The following SYNE1 variants were observed in gnomAD, a reference collection of about 807,000 sequenced individuals.
SYNE1 encodes the protein nesprin-1.
A neutral mutation model predicts 1,111.0 loss-of-function variants in SYNE1; 616 were observed. The ratio of observed to expected loss-of-function variants is 0.55; its 90% CI spans 0.52 to 0.59. The LOEUF is 0.59. SYNE1 is among the 20% of genes least tolerant of loss of function. The pLI is 0.00. For missense variants in SYNE1, 10,006 were observed against 10,417.0 expected (o/e 0.96, Z 1.72); for synonymous variants, 3,855 against 3,825.8 (o/e 1.01, Z -0.28).
chr6:152,226,017 G>C (rs1041500447), intron 115 of SYNE1, 141 bp from the exon 116 acceptor site: 12 of 741,398 alleles, frequency 1.6e-5, no homozygotes, highest in Non-Finnish European at 2.4e-5. Context: ...GAGGCACGCT[G>C]CAGAAGTACT....
chr6:152,229,699 C>T (rs964265474), intron 115 of SYNE1, among the ~76,000 whole-genome samples: 5 of 152,076 alleles, frequency 3.3e-5, no homozygotes, highest in African/African-American at 9.7e-5. Context: ...CTGAACATGG[C>T]ACCCATCAAC....
rs1354384382 is a variant in SYNE1, at chr6:152,281,876, G to T, written c.18312C>A (p.Ala6104=). The change falls in exon 97 of 146, where the codon GCC becomes GCA. Residue 6104 remains alanine (A), a synonymous_variant. Transcript: ENST00000367255. ...ELDSWLLSTK[A]TLDTALSPPK... Reference sequence around the variant, plus strand: ...GTGGACTCAGCGCAGTGTCCAGAGTGGCCTTGGTACTCAAGAGCCAGCTGT... The same window carrying T: ...GTGGACTCAGCGCAGTGTCCAGAGTTGCCTTGGTACTCAAGAGCCAGCTGT... 1 of 1,614,064 alleles carries T rather than the reference G, an allele frequency of 6.2e-7. No individual in the cohort carries two copies. Among genetic ancestry groups the T allele is most frequent in the Non-Finnish European group, 8.5e-7 (1 of 1,180,032 alleles).
Position 152,317,216 on chromosome 6 carries a change from CTTTCTTT to C in SYNE1, c.16573-237_16573-231del, listed in dbSNP as rs546907443. Among the ~76,000 whole-genome samples the C allele has an allele frequency of 0.016, 2,323 of 149,486 alleles. 17 individuals are homozygous for C. The highest frequency in any genetic ancestry group is 0.024 in the South Asian group (113 of 4,734). ...ATATGATTGAATTATTCCTCTTTTTCTTTCTTTTTTCTTTTTTCTTTTTTTTTTTTTT... is the reference window on the plus strand; with the variant it reads ...ATATGATTGAATTATTCCTCTTTTTCTTTCTTTTTTCTTTTTTTTTTTTTT... On this transcript the variant is annotated intron_variant, in intron 86 of 145. Transcript: ENST00000367255.
chr6:152,375,060 C>A (rs1295839164), intron 58 of SYNE1, among the ~76,000 whole-genome samples: 1 of 151,904 alleles, frequency 6.6e-6, no homozygotes, highest in Non-Finnish European at 1.5e-5. Context: ...CCTGTCTCAG[C>A]CTCCCAAGTA....
At chr6:152,257,928 G>C in intron 101 of SYNE1, among the ~76,000 whole-genome samples, 1 of 152,024 alleles carries the variant, frequency 6.6e-6, no homozygotes, top group East Asian at 1.9e-4. Context: ...TTGTGTTACA[G>C]GAAAAATATG....
At position 152,404,296 on chromosome 6, in the gene SYNE1, C is replaced by T; in HGVS notation, c.6742G>A (p.Ala2248Thr). ...KEFESEVKNK[A>T]LRLEELHSKV... ...GAATGCAGTTCTTCCAATCTCAATG[C>T]TTTGTTTTTAACTTCAGACTGCCAA... The change falls in exon 46 of 146, where the codon GCA becomes ACA. Residue 2248 changes from alanine (A) to threonine (T), a missense_variant. Physicochemically the swap from Ala to Thr is moderately conservative, Grantham distance 58. Around this residue, in one of 7 missense-constraint regions of SYNE1, gnomAD observed 4,955 missense variants for 5,017.2 expected, o/e 0.99. Coordinates refer to ENST00000367255, the MANE Select transcript of SYNE1 (RefSeq NM_182961.4). The T allele has an allele frequency of 6.2e-7, 1 of 1,612,152 alleles. No homozygotes were observed.
At chr6:152,172,792 A>G (rs2065532117) in intron 130 of SYNE1, among the ~76,000 whole-genome samples, 1 of 152,166 alleles carries the variant, frequency 6.6e-6, no homozygotes, top group Non-Finnish European at 1.5e-5. Flanking sequence ...AGGTACTTTA[A>G]TTATCTAGGC....
Position 152,362,210 on chromosome 6 carries a change from G to T in SYNE1, c.10259C>A (p.Ala3420Glu), listed in dbSNP as rs748911036. 9.9e-6 allele frequency: 16 copies of T among 1,614,076 alleles called. No homozygotes were observed. In the Admixed American group the frequency reaches 2.7e-4, roughly 27 times the overall value. ...CATCGTTGTTTTATCCCGCAGCTCC[G>T]CATGCTGCCTTTCTGATTCATTCAG... ...ANLNESERQH[A>E]ELRDKTTMLG... Residue 3420 changes from alanine (A) to glutamate (E), a missense_variant, in exon 64 of 146, where the codon GCG becomes GAG. This residue lies in a region of SYNE1 where 4,955 missense variants were observed against 5,017.2 expected (regional missense o/e 0.99). Coordinates refer to ENST00000367255, the MANE Select transcript of SYNE1 (RefSeq NM_182961.4).
rs2098416103 is a variant in SYNE1, at chr6:152,430,230, T to C, written c.4690-20A>G. On this transcript the variant is annotated intron_variant, in intron 35 of 145. Coordinates refer to ENST00000367255, the MANE Select transcript of SYNE1 (RefSeq NM_182961.4). The stretch of plus-strand genomic sequence containing the variant: ...CTGGATCTAAAACATTGGTGCAATA[T>C]AAAAATAACAGTGGGAAAGATACAT... The C allele has an allele frequency of 1.9e-6, 3 of 1,569,560 alleles. No individual in the cohort carries two copies. Among genetic ancestry groups the C allele is most frequent in the South Asian group, 1.1e-5 (1 of 88,054 alleles).
At chr6:152,156,456 C>T (rs925212104) in intron 131 of SYNE1, among the ~76,000 whole-genome samples, 7 of 152,206 alleles carry the variant, frequency 4.6e-5, no homozygotes, top group Admixed American at 1.3e-4. Flanking sequence ...CTCTTAGTAT[C>T]TGTCAGGGGA....
chr6:152,369,130 GA>G lies in SYNE1; in HGVS notation c.9652-4del. 6.2e-7 allele frequency: 1 copy of G among 1,612,850 alleles called. No individual in the cohort carries two copies. The highest frequency in any genetic ancestry group is 8.5e-7 in the Non-Finnish European group (1 of 1,180,020). On this transcript the variant is annotated splice_polypyrimidine_tract_variant and splice_region_variant and intron_variant, in intron 60 of 145. Transcript: ENST00000367255. ...CAGTGTATTTCCTCAAGGACAGACT[GA>G]AAAGCACAAGCAAGTTACTATTCAG...
At chr6:152,360,883 G>A (rs189743114) in intron 64 of SYNE1, among the ~76,000 whole-genome samples, 200 of 152,272 alleles carry the variant, frequency 1.3e-3, no homozygotes, top group African/African-American at 4.3e-3. Context: ...TTTATTCAGC[G>A]TGTGTTCTGT....
chr6:152,274,570 T>C (rs374782462), intron 98 of SYNE1, among the ~76,000 whole-genome samples: 2 of 152,022 alleles, frequency 1.3e-5, no homozygotes, highest in Non-Finnish European at 2.9e-5. Context: ...TGTGTAGTAG[T>C]TTCATTTTTA....
chr6:152,461,178 T>A (rs2098732004), intron 21 of SYNE1, among the ~76,000 whole-genome samples: 1 of 152,136 alleles, frequency 6.6e-6, no homozygotes. Context: ...CACAGCTTTG[T>A]GGCTATGCTT....
chr6:152,367,343 T>G lies in SYNE1; in HGVS notation c.9847A>C (p.Asn3283His), dbSNP rs745707616. 3.1e-6 allele frequency: 5 copies of G among 1,614,076 alleles called. No individual in the cohort carries two copies. In the African/African-American group the frequency reaches 4.0e-5, roughly 13 times the overall value. The part of the protein sequence containing the change: ...SRLDRIVAEH[N>H]QFSLGIKELQ... ...TCTTTAATCCCAAGAGAGAACTGAT[T>G]GTGTTCTGCAACGATTCTATCCAGT... Residue 3283 changes from asparagine (N) to histidine (H), a missense_variant, in exon 62 of 146, where the codon AAT becomes CAT. Coordinates refer to ENST00000367255, the MANE Select transcript of SYNE1 (RefSeq NM_182961.4).
intron 145 of SYNE1, among the ~76,000 whole-genome samples, chr6:152,124,722 T>C (rs2052742257): frequency 6.6e-6 from 1 of 152,132 alleles, no homozygotes; most frequent in Non-Finnish European, 1.5e-5. Flanking sequence ...TGTGAAAATA[T>C]AGTAGAACAT....
Position 152,356,385 on chromosome 6 carries a change from T to A in SYNE1, c.10609-1409A>T, listed in dbSNP as rs59358814. Among the ~76,000 whole-genome samples, 504 of 150,542 alleles carry A rather than the reference T, an allele frequency of 3.3e-3. 5 individuals carry two copies. The highest frequency in any genetic ancestry group is 0.011 in the African/African-American group (469 of 41,292). On this transcript the variant is annotated intron_variant, in intron 66 of 145. Coordinates refer to ENST00000367255, the MANE Select transcript of SYNE1 (RefSeq NM_182961.4). ...CAAGTTAATATTCTATTAAATAAAT[T>A]CTCATATATCCCAAATTTCAAGTCT... is the stretch of plus-strand genomic sequence containing the variant.
chr6:152,416,726 A>C lies in SYNE1; in HGVS notation c.5711T>G (p.Leu1904Trp), dbSNP rs1179461369. 25 of 1,614,102 alleles carry C rather than the reference A, an allele frequency of 1.5e-5. No individual in the cohort carries two copies. Among genetic ancestry groups the C allele is most frequent in the Non-Finnish European group, 2.1e-5 (25 of 1,180,050 alleles). Reference protein sequence around the residue: ...TNSMNKNESDLIEKDLNDALQ... With the variant: ...TNSMNKNESDWIEKDLNDALQ... ...AGCATCATTGAGGTCCTTTTCTATC[A>C]AATCAGACTCGTTCTTATTCATACT... Residue 1904 changes from leucine to tryptophan, a missense_variant, in exon 41 of 146, where the codon TTG (leucine) becomes TGG (tryptophan). Physicochemically the swap from Leu to Trp is moderately conservative, Grantham distance 61. Around this residue, in one of 7 missense-constraint regions of SYNE1, gnomAD observed 4,955 missense variants for 5,017.2 expected, o/e 0.99. Transcript: ENST00000367255.
At chr6:152,445,198 T>C (rs1421614432) in intron 29 of SYNE1, among the ~76,000 whole-genome samples, 1 of 152,026 alleles carries the variant, frequency 6.6e-6, no homozygotes, top group Admixed American at 6.6e-5. Context: ...TAAAACCTAA[T>C]TATAAAAGTG....
Sources: gnomAD v4.1 joint callset for allele counts (sites outside exome capture counted in the v4.1 genomes callset) on GRCh38, gnomAD v4.1.1 for gene constraint, gnomAD v4.1.1 regional missense constraint, MANE v1.5 for transcripts, NCBI Gene and HGNC (gene_info 2026-07-23, HGNC 2026-07-21) for gene names.